Variants in LEPR observed in about 807,000 individuals in gnomAD.
LEPR encodes the protein leptin receptor, also known as OB receptor.
Under a neutral mutation model 114.7 loss-of-function variants are expected in LEPR, and 56 were observed. That is an observed-to-expected ratio of 0.49 (90% CI 0.39 to 0.61). The LOEUF (loss-of-function observed/expected upper bound fraction) is 0.61, where lower values mean the gene tolerates loss of function less well. Among genes scored for constraint, LEPR ranks in the 20% least tolerant of loss-of-function variants. LEPR has a pLI of 0.00. For synonymous variants in LEPR, 443 were observed against 461.4 expected (o/e 0.96, Z 0.51); for missense variants, 1,202 against 1,352.9 (o/e 0.89, Z 1.75).
intron 2 of LEPR, among the ~76,000 whole-genome samples, chr1:65,487,493 T>C (rs1422049864): frequency 6.6e-6 from 1 of 151,952 alleles, no homozygotes; most frequent in African/African-American, 2.4e-5. Flanking sequence ...TTTATATGCA[T>C]ATATCTTATA....
chr1:65,489,634 C>T (rs1647762153), intron 2 of LEPR, among the ~76,000 whole-genome samples: 1 of 151,994 alleles, frequency 6.6e-6, no homozygotes, highest in Non-Finnish European at 1.5e-5. Flanking sequence ...TCTCATTTTT[C>T]CATTTTCACT....
chr1:65,493,649 C>A (rs911656062), intron 2 of LEPR, among the ~76,000 whole-genome samples: 1 of 152,052 alleles, frequency 6.6e-6, no homozygotes, highest in Non-Finnish European at 1.5e-5. Flanking sequence ...ATCTGCAGAA[C>A]TTTTTTCATC....
chr1:65,477,714 C>T lies in LEPR; in HGVS notation c.-21+52336C>T, dbSNP rs114270171. 7.2e-3 allele frequency among the ~76,000 whole-genome samples: 1,098 copies of T among 152,274 alleles called. 11 individuals carry two copies. The highest frequency in any genetic ancestry group is 0.025 in the African/African-American group (1,029 of 41,548). On this transcript the variant is annotated intron_variant, in intron 2 of 19. Coordinates refer to ENST00000349533, the MANE Select transcript of LEPR (RefSeq NM_002303.6). The stretch of plus-strand genomic sequence containing the variant: ...ACAGGAATGCTTTTTAAAGCAATGC[C>T]CCAAAATTGGTTTTAGCACTTGATT...
rs772099009 is a variant in LEPR, at chr1:65,636,439, T to C, written c.2922T>C (p.Tyr974=). Residue 974 remains tyrosine, a synonymous_variant, in exon 20 of 20, where the codon TAT becomes TAC. Transcript: ENST00000349533. ...FSEAEGTEVT[Y]EDESQRQPFV... Reference sequence around the variant, plus strand: ...AGGCTGAGGGTACTGAGGTAACCTATGAGGACGAAAGCCAGAGACAACCCT... The same window carrying C: ...AGGCTGAGGGTACTGAGGTAACCTACGAGGACGAAAGCCAGAGACAACCCT... 3 of 1,614,108 alleles carry C rather than the reference T, an allele frequency of 1.9e-6. No homozygotes were observed. The highest frequency in any genetic ancestry group is 1.6e-4 in the Middle Eastern group (1 of 6,062).
At chr1:65,429,314 A>G (rs532949293) in intron 2 of LEPR, among the ~76,000 whole-genome samples, 1 of 152,212 alleles carries the variant, frequency 6.6e-6, no homozygotes, top group Admixed American at 6.5e-5. Context: ...TATGAGCTCA[A>G]GAGTGTTCAA....
chr1:65,425,227 C>A, intron 1 of LEPR, 76 bp from the exon 2 acceptor site: 1 of 1,260,824 alleles, frequency 7.9e-7, no homozygotes, highest in East Asian at 2.3e-5. Context: ...AGAAGTCACT[C>A]CCCATTTCCC....
intron 2 of LEPR, among the ~76,000 whole-genome samples, chr1:65,429,007 T>C (rs114270433): frequency 0.01 from 1,595 of 152,302 alleles, 36 homozygotes; most frequent in African/African-American, 0.037. Flanking sequence ...TTTATTATTT[T>C]ATTCATTTAA....
chr1:65,606,326 A>G (rs1451575406), intron 11 of LEPR, among the ~76,000 whole-genome samples: 2 of 152,116 alleles, frequency 1.3e-5, no homozygotes, highest in Non-Finnish European at 2.9e-5. Flanking sequence ...ACACTCACTT[A>G]TAAGATATGA....
chr1:65,437,181 G>T (rs1438163236), intron 2 of LEPR, among the ~76,000 whole-genome samples: 10 of 152,114 alleles, frequency 6.6e-5, no homozygotes, highest in Non-Finnish European at 1.3e-4. Context: ...TAAATTAATG[G>T]CAGTGAGTCT....
rs1460672153 is a variant in LEPR at position 65,633,377 on chromosome 1, A to G, written c.2674-2814A>G. On this transcript the variant is annotated intron_variant, in intron 19 of 19. Transcript: ENST00000349533. The surrounding 1 kb of genome is among the most constrained non-coding windows in gnomAD (Gnocchi z 4.1). ...GGGTTCAAAATGTAGATTTGAGTCC[A>G]GTTTGGATGTGTGATTAATTTTCAA... 3 of 1,330,948 alleles carry G rather than the reference A, an allele frequency of 2.3e-6. No individual in the cohort carries two copies. The highest frequency in any genetic ancestry group is 3.0e-5 in the African/African-American group (2 of 67,302). 82.4% of individuals were successfully genotyped at this position (1,330,948 alleles called of 1,614,324 possible). A position where few individuals can be genotyped will look rare whatever the true frequency, so the allele number is the denominator to read the frequency against.
intron 19 of LEPR, chr1:65,634,914 A>G: frequency 2.4e-6 from 2 of 824,384 alleles, no homozygotes; most frequent in Non-Finnish European, 2.9e-6. Context: ...TTTTCTCTTC[A>G]TATATTATGA....
chr1:65,625,010 T>C (rs1427441677), intron 19 of LEPR, among the ~76,000 whole-genome samples: 2 of 152,320 alleles, frequency 1.3e-5, no homozygotes, highest in East Asian at 3.9e-4. Flanking sequence ...AGAGTCTTCT[T>C]TCATTAAAAC....
chr1:65,477,533 G>A (rs192466545), intron 2 of LEPR, among the ~76,000 whole-genome samples: 7 of 152,324 alleles, frequency 4.6e-5, no homozygotes, highest in Admixed American at 3.9e-4. Context: ...TTTTTAATGG[G>A]TGGGACCTTG....
At chr1:65,433,401 C>T (rs1646515210) in intron 2 of LEPR, 1 of 985,390 alleles carries the variant, frequency 1.0e-6, no homozygotes, top group South Asian at 4.7e-5. Context: ...CACAGTTTTC[C>T]CTGCTCACCT....
At position 65,610,076 on chromosome 1, in the gene LEPR, C is replaced by A. The variant is rs1179232996; in HGVS notation, c.1882C>A (p.Pro628Thr). The A allele has an allele frequency of 6.2e-7, 1 of 1,614,182 alleles. No homozygotes were observed. Residue 628 changes from proline to threonine, a missense_variant, in exon 13 of 20, where the codon CCA (proline) becomes ACA (threonine). Pro to Thr is a conservative substitution (Grantham distance 38, BLOSUM62 -1). Transcript: ENST00000349533. ...GLGYWSNWSN[P>T]AYTVVMDIKV... is the part of the protein sequence containing the mutation. Reference sequence around the variant, plus strand: ...GGGATATTGGAGTAATTGGAGCAATCCAGCCTACACAGTTGTCATGGATAT... The same window carrying A: ...GGGATATTGGAGTAATTGGAGCAATACAGCCTACACAGTTGTCATGGATAT...
intron 2 of LEPR, among the ~76,000 whole-genome samples, chr1:65,506,037 A>T (rs1648709868): frequency 6.6e-6 from 1 of 152,210 alleles, no homozygotes; most frequent in Admixed American, 6.5e-5. Context: ...TGGCAAAAGT[A>T]AGAGCTGGCA....
intron 2 of LEPR, chr1:65,433,049 G>GCGGGCAGGGAGGCTGGGCT (rs1646509555): frequency 4.5e-5 from 44 of 985,324 alleles, no homozygotes; most frequent in Non-Finnish European, 5.1e-5. Context: ...CCACTGAGAT[G>GCGGGCAGGGAGGCTGGGCT]CGGGCAGGGA....
intron 2 of LEPR, among the ~76,000 whole-genome samples, chr1:65,474,511 A>G (rs1310885340): frequency 6.6e-6 from 1 of 152,216 alleles, no homozygotes; most frequent in East Asian, 1.9e-4. Flanking sequence ...AAACAACTAA[A>G]CATTAGCAAG....
chr1:65,594,659 A>G (rs530811405), intron 6 of LEPR, among the ~76,000 whole-genome samples: 1 of 152,194 alleles, frequency 6.6e-6, no homozygotes, highest in African/African-American at 2.4e-5. Context: ...ACGTTGAATA[A>G]GAGGTTGGAC....
Sources: gnomAD v4.1 joint callset for allele counts (sites outside exome capture counted in the v4.1 genomes callset) on GRCh38, gnomAD v4.1.1 for gene constraint, Gnocchi (gnomAD v3.1) non-coding constraint, MANE v1.5 for transcripts, NCBI Gene and HGNC (gene_info 2026-07-23, HGNC 2026-07-21) for gene names.